The following ABCB1 variants were observed in gnomAD, a reference collection of about 807,000 sequenced individuals.
The protein encoded by ABCB1 is ATP binding cassette subfamily B member 1, also known as ATP-dependent translocase ABCB1.
Under a neutral mutation model 142.0 loss-of-function variants are expected in ABCB1, and 69 were observed. The observed-to-expected ratio is 0.49, with a 90% CI of 0.40 to 0.59. ABCB1 has a LOEUF of 0.59. Among genes scored for constraint, ABCB1 ranks in the 20% least tolerant of loss-of-function variants. ABCB1 has a pLI of 0.00. For missense variants in ABCB1, 1,326 were observed against 1,554.7 expected, an observed-to-expected ratio of 0.85 and a Z score of 2.47; for synonymous variants, 532 against 539.2, an observed-to-expected ratio of 0.99 and a Z score of 0.18.
chr7:87,594,660 C>T (rs570203737), intron 3 of ABCB1, among the ~76,000 whole-genome samples: 1 of 152,208 alleles, frequency 6.6e-6, no homozygotes, highest in African/African-American at 2.4e-5. Context: ...AAGAATGACT[C>T]AAGTACATAG....
rs75779213 is a variant in ABCB1 at position 87,679,852 on chromosome 7, A to G, written c.-331+33309T>C. On this transcript the variant is annotated intron_variant, in intron 1 of 28. Transcript: ENST00000265724. ...AATCATATAAAGTATGTTCTCTGTA[A>G]TGGAATGAAACTAGATGTCAAGAAC... Among the ~76,000 whole-genome samples, 511 of 150,874 alleles carry G rather than the reference A, an allele frequency of 3.4e-3. 37 individuals are homozygous for G. Among genetic ancestry groups the G allele is most frequent in the African/African-American group, 0.012 (482 of 40,740 alleles).
At chr7:87,615,961 A>G (rs1584925180) in intron 1 of ABCB1, among the ~76,000 whole-genome samples, 1 of 152,226 alleles carries the variant, frequency 6.6e-6, no homozygotes, top group Non-Finnish European at 1.5e-5. Flanking sequence ...CATTGAGGAG[A>G]GCATAACAAG....
At position 87,711,730 on chromosome 7, in the gene ABCB1, T is replaced by A. The variant is rs1351283824; in HGVS notation, c.-331+1431A>T. On this transcript the variant is annotated intron_variant, in intron 1 of 28. Coordinates refer to the ABCB1 transcript ENST00000265724. ...TTAGTTTCTCAAGTGCTGTATCACA[T>A]TTCAGATGTCCCATTGCCACATGTA... Among the ~76,000 whole-genome samples the A allele has an allele frequency of 2.0e-5, 3 of 152,304 alleles. No individual in the cohort carries two copies. In the East Asian group the frequency reaches 5.8e-4, roughly 29 times the overall value.
intron 1 of ABCB1, among the ~76,000 whole-genome samples, chr7:87,667,600 A>G (rs1353971764): frequency 6.6e-6 from 1 of 152,120 alleles, no homozygotes; most frequent in Non-Finnish European, 1.5e-5. Context: ...TTGCCCATTC[A>G]GCATAAAGTT....
Position 87,503,358 on chromosome 7 carries a change from A to G in ABCB1, c.*885T>C, listed in dbSNP as rs1281350113. Among the ~76,000 whole-genome samples the G allele has an allele frequency of 6.6e-6, 1 of 152,124 alleles. No homozygotes were observed. Among genetic ancestry groups the G allele is most frequent in the Non-Finnish European group, 1.5e-5 (1 of 68,014 alleles). On this transcript the variant is annotated 3_prime_UTR_variant, in exon 28 of 28. Coordinates refer to ENST00000622132, the MANE Select transcript of ABCB1 (RefSeq NM_001348946.2). ...CTTTTTTTATCATGTTTGTATCAAG[A>G]TGTAGTTAAACTCATGGCACATTTT...
At chr7:87,563,410 C>G (rs915323697) in intron 7 of ABCB1, 2 of 454,540 alleles carry the variant, frequency 4.4e-6, no homozygotes, top group South Asian at 3.1e-5. Context: ...ATACAAATAT[C>G]CTCAGCAAAA....
intron 1 of ABCB1, among the ~76,000 whole-genome samples, chr7:87,677,739 A>T (rs1826522649): frequency 6.6e-6 from 1 of 152,250 alleles, no homozygotes; most frequent in African/African-American, 2.4e-5. Context: ...GCTTCTAAAC[A>T]CATGATAATC....
intron 2 of ABCB1, among the ~76,000 whole-genome samples, chr7:87,599,572 A>G (rs765852085): frequency 2.6e-5 from 4 of 152,234 alleles, no homozygotes; most frequent in Non-Finnish European, 5.9e-5. Flanking sequence ...AGGAAAGCTG[A>G]GAAAGAGGCA....
rs773542500 is a variant in ABCB1 at position 87,520,825 on chromosome 7, C to T, written c.2737G>A (p.Glu913Lys). ...NFRTVVSLTQ[E>K]QKFEHMYAQS... The stretch of plus-strand genomic sequence containing the variant: ...GCATACATATGTTCAAACTTCTGCT[C>T]CTGAGTCAAAGAAACAACGGTTCGG... The change falls in exon 22 of 28, where the codon GAG becomes AAG. Residue 913 changes from glutamate to lysine, a missense_variant. Transcript: ENST00000622132. 6.2e-7 allele frequency: 1 copy of T among 1,613,924 alleles called. No individual in the cohort carries two copies. The highest frequency in any genetic ancestry group is 2.2e-5 in the East Asian group (1 of 44,862).
rs28381860 is a variant in ABCB1, at chr7:87,562,043, T to C, written c.703-656A>G. Among the ~76,000 whole-genome samples the C allele has an allele frequency of 3.4e-3, 511 of 152,244 alleles. 3 individuals carry two copies. In the Middle Eastern group the frequency reaches 0.054, roughly 16 times the overall value. On this transcript the variant is annotated intron_variant, in intron 7 of 27. Transcript: ENST00000622132. Reference sequence around the variant, plus strand: ...ATTTATTTTAAAAATTCTGATTAAATAGAATTATATTCTTTCAATAAAAAA... The same window carrying C: ...ATTTATTTTAAAAATTCTGATTAAACAGAATTATATTCTTTCAATAAAAAA...
intron 1 of ABCB1, among the ~76,000 whole-genome samples, chr7:87,667,834 C>G (rs1224359698): frequency 1.3e-5 from 2 of 152,076 alleles, no homozygotes; most frequent in Admixed American, 6.5e-5. Flanking sequence ...GGGGTTGAAG[C>G]CTACTCAATC....
chr7:87,592,626 A>G (rs1450933028), intron 3 of ABCB1, among the ~76,000 whole-genome samples: 3 of 152,210 alleles, frequency 2.0e-5, no homozygotes, highest in East Asian at 3.9e-4. Context: ...ATCTGAGTCT[A>G]CCCTGCTTAG....
rs2129667856 is a variant in ABCB1 at position 87,544,886 on chromosome 7, T to C, written c.2001A>G (p.Ser667=). 6.2e-7 allele frequency: 1 copy of C among 1,614,180 alleles called. No homozygotes were observed. The highest frequency in any genetic ancestry group is 1.6e-4 in the Middle Eastern group (1 of 6,062). Residue 667 remains serine (S), a synonymous_variant, in exon 16 of 28, where the codon TCA becomes TCG. Transcript: ENST00000622132. ...DSRSSLIRKR[S]TRRSVRGSQA... is the part of the protein sequence containing the mutation. ...GTGATCCACGGACACTCCTACGAGT[T>C]GATCTTTTTCTTATTAGACTGGATC...
intron 1 of ABCB1, among the ~76,000 whole-genome samples, chr7:87,686,905 C>A (rs1157970613): frequency 1.3e-5 from 2 of 150,302 alleles, no homozygotes; most frequent in African/African-American, 4.9e-5. Flanking sequence ...ATGATTGTGC[C>A]ACTCCACTCC....
rs779037620 is a variant in ABCB1 at position 87,610,867 on chromosome 7, C to T, written c.-330-9789G>A. Among the ~76,000 whole-genome samples the T allele has an allele frequency of 1.4e-4, 21 of 152,168 alleles. No individual in the cohort carries two copies. The South Asian group carries it at 1.5e-3, about 11-fold the overall frequency. On this transcript the variant is annotated intron_variant, in intron 1 of 28. Coordinates refer to the ABCB1 transcript ENST00000265724. ...GTACATAACACCACTATTTACTTTG[C>T]GTCAGAAACCTGGAGGAAGGGGAGA...
intron 1 of ABCB1, among the ~76,000 whole-genome samples, chr7:87,636,242 G>A (rs1173062277): frequency 6.6e-6 from 1 of 152,150 alleles, no homozygotes; most frequent in African/African-American, 2.4e-5. Flanking sequence ...ACTAATGCTT[G>A]ACATTTTCTT....
At chr7:87,672,769 T>C (rs563350176) in intron 1 of ABCB1, among the ~76,000 whole-genome samples, 2 of 152,240 alleles carry the variant, frequency 1.3e-5, no homozygotes, top group African/African-American at 4.8e-5. Context: ...TTTCCTGAGG[T>C]CACACATTGA....
At chr7:87,628,154 G>A (rs1317122892) in intron 1 of ABCB1, among the ~76,000 whole-genome samples, 1 of 152,186 alleles carries the variant, frequency 6.6e-6, no homozygotes, top group Non-Finnish European at 1.5e-5. Context: ...GCGCTGTGGG[G>A]CCCCGCATCC....
chr7:87,626,077 C>CATATAT (rs372003612), intron 1 of ABCB1, among the ~76,000 whole-genome samples: 19 of 84,302 alleles, frequency 2.3e-4, no homozygotes, highest in African/African-American at 7.7e-4. Flanking sequence ...CAGGCTGAGA[C>CATATAT]ATATATATAT....
Sources: gnomAD v4.1 joint callset for allele counts (sites outside exome capture counted in the v4.1 genomes callset) on GRCh38, gnomAD v4.1.1 for gene constraint, MANE v1.5 for transcripts, NCBI Gene and HGNC (gene_info 2026-07-23, HGNC 2026-07-21) for gene names.